Variants in TNNC2 observed in about 807,000 individuals in gnomAD.
The protein encoded by TNNC2 is troponin C, skeletal muscle.
A neutral mutation model predicts 20.0 loss-of-function variants in TNNC2; 14 were observed. That is an observed-to-expected ratio of 0.70 (90% CI 0.46 to 1.09). The LOEUF (loss-of-function observed/expected upper bound fraction) is 1.09. Among genes scored for constraint, TNNC2 ranks in the 50% least tolerant of loss-of-function variants. TNNC2 has a pLI of 0.00. For missense variants in TNNC2, 163 were observed against 223.8 expected (o/e 0.73, Z 1.73); for synonymous variants, 81 against 77.3 (o/e 1.05, Z -0.25).
chr20:45,825,228 C>T (rs761056026), intron 1 of TNNC2, among the ~76,000 whole-genome samples: 3 of 152,174 alleles, frequency 2.0e-5, no homozygotes, highest in South Asian at 2.1e-4. Flanking sequence ...CCTGCCACCT[C>T]GGCCTCCCAA....
chr20:45,825,200 CTCCTGGGTTCAAGTGA>C (rs778105122), intron 1 of TNNC2, among the ~76,000 whole-genome samples: 4 of 152,212 alleles, frequency 2.6e-5, no homozygotes, highest in Admixed American at 6.5e-5. Flanking sequence ...TGGTTTTGAA[CTCCTGGGTTCAAGTGA>C]TCCTGCCACC....
chr20:45,823,843 A>T lies in TNNC2; in HGVS notation c.451+148T>A. On this transcript the variant is annotated intron_variant, in intron 5 of 5. Coordinates refer to ENST00000372555, the MANE Select transcript of TNNC2 (RefSeq NM_003279.3). This position sits in a 1 kb window ranked among gnomAD's most constrained non-coding sequence, Gnocchi z 4.6. ...GCACAGAGTCGTGGAGCGCTTCTAT[A>T]CCTGCCCCCAGGAGACTATGGGGAA... is the stretch of plus-strand genomic sequence containing the variant. 7.4e-7 allele frequency: 1 copy of T among 1,343,860 alleles called. No individual in the cohort carries two copies. The highest frequency in any genetic ancestry group is 1.0e-6 in the Non-Finnish European group (1 of 985,270). The allele number at this position is 1,343,860 out of a possible 1,614,324, so 83.2% of individuals were successfully genotyped here. A position where few individuals can be genotyped will look rare whatever the true frequency, so the allele number is the denominator to read the frequency against.
chr20:45,823,504 G>T lies in TNNC2; in HGVS notation c.452-125C>A. On this transcript the variant is annotated intron_variant, in intron 5 of 5. Transcript: ENST00000372555. This position sits in a 1 kb window ranked among gnomAD's most constrained non-coding sequence, Gnocchi z 4.6. ...TTTTGTTGAGACAGAGTCTCACTCT[G>T]TTGCCAAGGTCGCCAAGGTCTGTCA... 1.1e-6 allele frequency: 1 copy of T among 942,062 alleles called. No homozygotes were observed. The highest frequency in any genetic ancestry group is 1.6e-6 in the Non-Finnish European group (1 of 641,376). 58.4% of individuals were successfully genotyped at this position (942,062 alleles called of 1,614,324 possible). A position where few individuals can be genotyped will look rare whatever the true frequency, so the allele number is the denominator to read the frequency against.
chr20:45,823,384 G>A lies in TNNC2; in HGVS notation c.452-5C>T. 6.3e-7 allele frequency: 1 copy of A among 1,592,872 alleles called. No individual in the cohort carries two copies. ...CCTCCATCATCTTCAGGAACTCTGA[G>A]GGAAAGGAGAGGGAGAGGGTCAGGG... On this transcript the variant is annotated splice_region_variant and splice_polypyrimidine_tract_variant and intron_variant, in intron 5 of 5. Coordinates refer to ENST00000372555, the MANE Select transcript of TNNC2 (RefSeq NM_003279.3). The surrounding 1 kb of genome is among the most constrained non-coding windows in gnomAD (Gnocchi z 4.6).
chr20:45,823,380 C>CGTCGAAG lies in TNNC2; in HGVS notation c.452-2_452-1insCTTCGAC. ...ACGCCCTCCATCATCTTCAGGAACTCTGAGGGAAAGGAGAGGGAGAGGGTC... is the reference window on the plus strand; with the variant it reads ...ACGCCCTCCATCATCTTCAGGAACTCGTCGAAGTGAGGGAAAGGAGAGGGAGAGGGTC... On this transcript the variant is annotated splice_acceptor_variant, in intron 5 of 5. Transcript: ENST00000372555. LOFTEE classifies it high-confidence loss of function. The surrounding 1 kb of genome is among the most constrained non-coding windows in gnomAD (Gnocchi z 4.6). The CGTCGAAG allele has an allele frequency of 6.3e-7, 1 of 1,592,824 alleles. No homozygotes were observed. Among genetic ancestry groups the CGTCGAAG allele is most frequent in the Non-Finnish European group, 8.5e-7 (1 of 1,170,168 alleles).
upstream of TNNC2, among the ~76,000 whole-genome samples, chr20:45,829,919 T>C (rs1291633618): frequency 1.3e-5 from 2 of 151,946 alleles, no homozygotes; most frequent in African/African-American, 2.4e-5. Context: ...TGTTCTTTTG[T>C]TTATTCAAGG....
rs186394898 is a variant in TNNC2, at chr20:45,824,486, C to T, written c.199+9G>A. The T allele has an allele frequency of 3.8e-4, 617 of 1,613,378 alleles. 1 individual carries two copies. The African/African-American group carries it at 7.7e-3, about 20-fold the overall frequency. ...CACCATCCCCTGCCTCCGAGGGACA[C>T]CCGCTCACCGTCCTCATCCACCTCC... On this transcript the variant is annotated intron_variant, in intron 3 of 5. Coordinates refer to ENST00000372555, the MANE Select transcript of TNNC2 (RefSeq NM_003279.3).
At chr20:45,831,467 C>T (rs992426208), upstream of TNNC2, among the ~76,000 whole-genome samples, 95 of 151,980 alleles carry the variant, frequency 6.3e-4, no homozygotes, top group African/African-American at 2.1e-3. Flanking sequence ...ATTCCAGCTA[C>T]TTGGGATTAC....
upstream of TNNC2, among the ~76,000 whole-genome samples, chr20:45,829,160 G>GTT (rs57079984): frequency 1.3e-3 from 123 of 98,272 alleles, no homozygotes; most frequent in African/African-American, 2.6e-3. Context: ...TTTGTTTTTG[G>GTT]TTTTTTTTTT....
upstream of TNNC2, among the ~76,000 whole-genome samples, chr20:45,831,669 GC>G (rs1254045277): frequency 6.6e-6 from 1 of 151,900 alleles, no homozygotes; most frequent in Non-Finnish European, 1.5e-5. Flanking sequence ...GAAGAAGGAA[GC>G]AAAAAGAAGA....
Position 45,824,795 on chromosome 20 carries a change from C to G in TNNC2, c.43G>C (p.Glu15Gln). The part of the protein sequence containing the change: ...QAEARSYLSE[E>Q]MIAEFKAAFD... ...GCGCCTCACTCACCAGCGATCATCTCTTCGCTGAGGTAGGACCTGGCCTCA... is the reference window on the plus strand; with the variant it reads ...GCGCCTCACTCACCAGCGATCATCTGTTCGCTGAGGTAGGACCTGGCCTCA... The change falls in exon 2 of 6, where the codon GAG (glutamate) becomes CAG (glutamine). Residue 15 changes from glutamate to glutamine, a missense_variant. Coordinates refer to ENST00000372555, the MANE Select transcript of TNNC2 (RefSeq NM_003279.3). 2 of 1,607,224 alleles carry G rather than the reference C, an allele frequency of 1.2e-6. No individual in the cohort carries two copies. Among genetic ancestry groups the G allele is most frequent in the Non-Finnish European group, 1.7e-6 (2 of 1,176,302 alleles).
At chr20:45,829,788 A>T (rs903505091), upstream of TNNC2, among the ~76,000 whole-genome samples, 1 of 150,008 alleles carries the variant, frequency 6.7e-6, no homozygotes, top group Non-Finnish European at 1.5e-5. Flanking sequence ...CCCGTCTCAA[A>T]AAAAAAAAAA....
In TNNC2 at chr20:45,824,696, A is replaced by ACCC. The variant is rs144529565; in HGVS notation, c.56-61_56-59dup. 42 of 1,386,376 alleles carry ACCC rather than the reference A, an allele frequency of 3.0e-5. No homozygotes were observed. In the East Asian group the frequency reaches 7.1e-4, roughly 23 times the overall value. The allele number at this position is 1,386,376 out of a possible 1,614,324, so 85.9% of individuals were successfully genotyped here. On this transcript the variant is annotated intron_variant, in intron 2 of 5. Transcript: ENST00000372555. ...CTGCTGGACTGTCAGCCTCACACCT[A>ACCC]CCCCCCCCCAACCCCCACCCTGCCT...
chr20:45,832,175 T>G (rs1294504880), upstream of TNNC2, among the ~76,000 whole-genome samples: 1 of 152,136 alleles, frequency 6.6e-6, no homozygotes, highest in African/African-American at 2.4e-5. Context: ...AGCCGCATGG[T>G]GGCACATGCC....
At chr20:45,825,384 T>G (rs182121109) in intron 1 of TNNC2, among the ~76,000 whole-genome samples, 19 of 152,150 alleles carry the variant, frequency 1.2e-4, no homozygotes, top group African/African-American at 4.3e-4. Flanking sequence ...CTCCACCTCC[T>G]GGGTTCAAGC....
intron 2 of TNNC2, 55 bp from the exon 3 acceptor site, chr20:45,824,693 C>T: frequency 1.3e-6 from 2 of 1,562,370 alleles, no homozygotes; most frequent in South Asian, 1.1e-5. Context: ...CAGCCTCACA[C>T]CTACCCCCCC....
At position 45,823,491 on chromosome 20, in the gene TNNC2, A is replaced by T; in HGVS notation, c.452-112T>A. The T allele has an allele frequency of 2.7e-6, 3 of 1,094,726 alleles. No individual in the cohort carries two copies. The highest frequency in any genetic ancestry group is 3.9e-6 in the Non-Finnish European group (3 of 765,594). 67.8% of individuals were successfully genotyped at this position (1,094,726 alleles called of 1,614,324 possible). A position where few individuals can be genotyped will look rare whatever the true frequency, so the allele number is the denominator to read the frequency against. ...TTTTTGTTTTTGTTTTTGTTGAGAC[A>T]GAGTCTCACTCTGTTGCCAAGGTCG... is the stretch of plus-strand genomic sequence containing the variant. On this transcript the variant is annotated intron_variant, in intron 5 of 5. Transcript: ENST00000372555. This position sits in a 1 kb window ranked among gnomAD's most constrained non-coding sequence, Gnocchi z 4.6.
upstream of TNNC2, among the ~76,000 whole-genome samples, chr20:45,832,107 T>C (rs1390485384): frequency 6.6e-6 from 1 of 152,130 alleles, no homozygotes; most frequent in African/African-American, 2.4e-5. Context: ...AGGCCAGGTG[T>C]TCCAGATCAG....
chr20:45,823,407 G>A lies in TNNC2; in HGVS notation c.452-28C>T. 6.3e-7 allele frequency: 1 copy of A among 1,586,602 alleles called. No homozygotes were observed. Among genetic ancestry groups the A allele is most frequent in the South Asian group, 1.2e-5 (1 of 86,708 alleles). On this transcript the variant is annotated intron_variant, in intron 5 of 5. Coordinates refer to ENST00000372555, the MANE Select transcript of TNNC2 (RefSeq NM_003279.3). The surrounding 1 kb of genome is among the most constrained non-coding windows in gnomAD (Gnocchi z 4.6). ...GAGGGAAAGGAGAGGGAGAGGGTCA[G>A]GGGTCCCACTGGGGACGCAGAGGCC...
Sources: allele counts gnomAD v4.1 joint callset (sites outside exome capture counted in the v4.1 genomes callset), GRCh38; gene constraint gnomAD v4.1.1; non-coding constraint Gnocchi (gnomAD v3.1); transcripts MANE v1.5; gene names NCBI Gene and HGNC (gene_info 2026-07-23, HGNC 2026-07-21).